The following KREMEN1 variants were observed in gnomAD, a reference collection of about 807,000 sequenced individuals.
KREMEN1 encodes the protein kringle containing transmembrane protein 1.
KREMEN1 carries 30 observed loss-of-function variants against 46.5 expected under a neutral mutation model. That is an observed-to-expected ratio of 0.65 (90% CI 0.48 to 0.88). The LOEUF is 0.88. Among genes scored for constraint, KREMEN1 ranks in the 40% least tolerant of loss-of-function variants. The probability of loss-of-function intolerance (pLI) is 0.00; values close to 1 mark genes in which losing one functional copy is unlikely to be tolerated. For synonymous variants in KREMEN1, 214 were observed against 230.6 expected (o/e 0.93, Z 0.65); for missense variants, 533 against 596.9 (o/e 0.89, Z 1.11).
At chr22:29,154,301 A>G (rs2038942657) in intron 9 of KREMEN1, 1 of 152,202 alleles carries the variant, frequency 6.6e-6, no homozygotes, top group African/African-American at 2.4e-5. Flanking sequence ...ATGTGACCCC[A>G]TTTAATAAAG....
At chr22:29,079,416 GCT>G (rs981785632) in intron 1 of KREMEN1, among the ~76,000 whole-genome samples, 1 of 152,232 alleles carries the variant, frequency 6.6e-6, no homozygotes, top group Non-Finnish European at 1.5e-5. Context: ...GCCGGGCCCA[GCT>G]TCTAGCTTCC....
chr22:29,162,335 C>T (rs2039018852), intron 9 of KREMEN1, among the ~76,000 whole-genome samples: 1 of 152,084 alleles, frequency 6.6e-6, no homozygotes, highest in Non-Finnish European at 1.5e-5. Context: ...AGGAATGTAC[C>T]TCAAAATAAT....
At chr22:29,109,699 A>G (rs935048711) in intron 3 of KREMEN1, among the ~76,000 whole-genome samples, 46 of 152,232 alleles carry the variant, frequency 3.0e-4, no homozygotes, top group Non-Finnish European at 6.2e-4. Flanking sequence ...GTTTAGGAAG[A>G]GAAGCAAGTC....
chr22:29,158,515 G>C (rs911657224), intron 9 of KREMEN1, among the ~76,000 whole-genome samples: 1 of 152,240 alleles, frequency 6.6e-6, no homozygotes, highest in Non-Finnish European at 1.5e-5. Context: ...GCAGCTTCAT[G>C]GATGTGCAGC....
At chr22:29,104,342 A>C (rs1388694139) in intron 3 of KREMEN1, among the ~76,000 whole-genome samples, 2 of 151,944 alleles carry the variant, frequency 1.3e-5, no homozygotes, top group Non-Finnish European at 2.9e-5. Flanking sequence ...TTTTTTGTAG[A>C]GACAGGGTTT....
chr22:29,146,571 C>T lies in KREMEN1; in HGVS notation c.*4459C>T, dbSNP rs1601817880. The T allele has an allele frequency of 4.1e-6, 4 of 985,690 alleles. No homozygotes were observed. Among genetic ancestry groups the T allele is most frequent in the African/African-American group, 1.7e-5 (1 of 57,350 alleles). 61.1% of individuals were successfully genotyped at this position (985,690 alleles called of 1,614,324 possible). On this transcript the variant is annotated 3_prime_UTR_variant, in exon 9 of 9. Transcript: ENST00000400335. ...TCCCACATCCAAACTCAGCTTCCAG[C>T]AGGGATTTTGACTTTGGATGACAAG...
intron 9 of KREMEN1, among the ~76,000 whole-genome samples, chr22:29,162,693 CAA>C (rs995253570): frequency 1.9e-4 from 29 of 150,482 alleles, no homozygotes; most frequent in African/African-American, 6.4e-4. Context: ...GCCTGGGCAA[CAA>C]GAGCAAAACT....
At chr22:29,087,484 T>A (rs1176709485) in intron 1 of KREMEN1, among the ~76,000 whole-genome samples, 1 of 152,236 alleles carries the variant, frequency 6.6e-6, no homozygotes, top group Non-Finnish European at 1.5e-5. Context: ...AGAGAGCATA[T>A]TCTTCAGCTT....
chr22:29,128,806 G>A (rs867602448), intron 5 of KREMEN1, among the ~76,000 whole-genome samples: 2 of 152,224 alleles, frequency 1.3e-5, no homozygotes, highest in African/African-American at 2.4e-5. Flanking sequence ...ATGCTAGTAA[G>A]TGCCAGAGCC....
Position 29,094,256 on chromosome 22 carries a change from A to G in KREMEN1, c.98-2A>G. On this transcript the variant is annotated splice_acceptor_variant, in intron 1 of 8. Coordinates refer to ENST00000400335, the MANE Select transcript of KREMEN1 (RefSeq NM_001039570.3). LOFTEE classifies it high-confidence loss of function. ...GTTTGCTCTGTCTTTTTTTTCTTCTAGAGTGTTTCACAGCCAATGGTGCGG... is the reference window on the plus strand; with the variant it reads ...GTTTGCTCTGTCTTTTTTTTCTTCTGGAGTGTTTCACAGCCAATGGTGCGG... 3 of 1,597,608 alleles carry G rather than the reference A, an allele frequency of 1.9e-6. No homozygotes were observed. Among genetic ancestry groups the G allele is most frequent in the Non-Finnish European group, 2.6e-6 (3 of 1,174,664 alleles).
At chr22:29,108,399 C>T (rs2038094173) in intron 3 of KREMEN1, among the ~76,000 whole-genome samples, 2 of 152,194 alleles carry the variant, frequency 1.3e-5, no homozygotes, top group South Asian at 4.1e-4. Flanking sequence ...CTGAGTCACA[C>T]CCAGTTAGGT....
intron 3 of KREMEN1, among the ~76,000 whole-genome samples, chr22:29,115,449 A>AAAC (rs34418746): frequency 0.017 from 2,557 of 151,566 alleles, 73 homozygotes; most frequent in African/African-American, 0.059. Context: ...AAAAAAAAAA[A>AAAC]CCAGAAGTAC....
chr22:29,106,303 C>T (rs957553042), intron 3 of KREMEN1, among the ~76,000 whole-genome samples: 8 of 151,632 alleles, frequency 5.3e-5, no homozygotes, highest in Middle Eastern at 3.2e-3. Context: ...TGACTGCAAG[C>T]TCCGCCTCCC....
intron 7 of KREMEN1, 63 bp from the exon 8 acceptor site, chr22:29,140,219 C>G: frequency 7.6e-7 from 1 of 1,317,918 alleles, no homozygotes; most frequent in Admixed American, 1.7e-5. Flanking sequence ...GGTATTCCAG[C>G]CGACCTCCTT....
chr22:29,165,523 G>A (rs1458506307), intron 9 of KREMEN1, among the ~76,000 whole-genome samples: 2 of 152,180 alleles, frequency 1.3e-5, no homozygotes, highest in Admixed American at 6.5e-5. Context: ...AGGAGGTGGG[G>A]CTCATTGGCC....
chr22:29,096,804 C>T lies in KREMEN1; in HGVS notation c.261-2058C>T, dbSNP rs114515606. Among the ~76,000 whole-genome samples the T allele has an allele frequency of 2.0e-4, 31 of 152,244 alleles. No individual in the cohort carries two copies. In the East Asian group the frequency reaches 3.9e-3, roughly 19 times the overall value. ...AAATAAATACATCAAAGCTGAACAC[C>T]GAATAGAGGGAGGAAAATGACAATG... On this transcript the variant is annotated intron_variant, in intron 2 of 8. Coordinates refer to ENST00000400335, the MANE Select transcript of KREMEN1 (RefSeq NM_001039570.3).
intron 1 of KREMEN1, among the ~76,000 whole-genome samples, chr22:29,081,704 A>C (rs134615): frequency 0.47 from 71,935 of 152,012 alleles, 17,801 homozygotes; most frequent in Middle Eastern, 0.61. Flanking sequence ...CCTGGCCAGA[A>C]CTTATGAAAC....
At chr22:29,128,478 AT>A (rs1172765253) in intron 5 of KREMEN1, among the ~76,000 whole-genome samples, 1 of 152,172 alleles carries the variant, frequency 6.6e-6, no homozygotes, top group Non-Finnish European at 1.5e-5. Flanking sequence ...AGATAAAAGT[AT>A]GTTTTCTTTA....
chr22:29,104,632 C>T (rs934600719), intron 3 of KREMEN1, among the ~76,000 whole-genome samples: 1 of 152,116 alleles, frequency 6.6e-6, no homozygotes, highest in African/African-American at 2.4e-5. Context: ...CTTGGCTGGG[C>T]GCAGTGGCTC....
Sources: allele counts gnomAD v4.1 joint callset (sites outside exome capture counted in the v4.1 genomes callset), GRCh38; gene constraint gnomAD v4.1.1; transcripts MANE v1.5; gene names NCBI Gene and HGNC (gene_info 2026-07-23, HGNC 2026-07-21).